NALF1: variants seen among roughly 807,000 people sequenced by gnomAD.
NALF1 encodes NALCN channel auxiliary factor 1.
Under a neutral mutation model 48.4 loss-of-function variants are expected in NALF1, and 3 were observed. That is an observed-to-expected ratio of 0.06 (90% CI 0.03 to 0.16). NALF1 has a LOEUF of 0.16. NALF1 is among the 10% of genes least tolerant of loss of function. The pLI is 1.00. For missense variants in NALF1, 526 were observed against 571.5 expected (o/e 0.92, Z 0.81); for synonymous variants, 262 against 245.7 (o/e 1.07, Z -0.62).
intron 1 of NALF1, among the ~76,000 whole-genome samples, chr13:107,401,266 G>C (rs1408645680): frequency 6.6e-6 from 1 of 152,056 alleles, no homozygotes; most frequent in Non-Finnish European, 1.5e-5. Context: ...CTGTCTCAGC[G>C]ATCTGATTGA....
chr13:107,327,928 CT>C lies in NALF1; in HGVS notation c.916-117174del, dbSNP rs140017313. On this transcript the variant is annotated intron_variant, in intron 1 of 2. Transcript: ENST00000375915. ...CAGCTTAAAAGTGCTTTACTTTTTCCTTTTTTTTTTAAGACAGGATATCACT... is the reference window on the plus strand; with the variant it reads ...CAGCTTAAAAGTGCTTTACTTTTTCCTTTTTTTTTAAGACAGGATATCACT... Among the ~76,000 whole-genome samples, 156 of 148,708 alleles carry C rather than the reference CT, an allele frequency of 1.0e-3. 1 individual carries two copies. The highest frequency in any genetic ancestry group is 3.4e-3 in the African/African-American group (137 of 40,612).
intron 1 of NALF1, among the ~76,000 whole-genome samples, chr13:107,584,314 T>C (rs1437751859): frequency 2.0e-5 from 3 of 152,222 alleles, no homozygotes; most frequent in Admixed American, 6.5e-5. Context: ...GAAAGTTGGA[T>C]AGTCTAAAGC....
intron 1 of NALF1, among the ~76,000 whole-genome samples, chr13:107,650,350 T>C (rs545828448): frequency 9.8e-4 from 137 of 139,712 alleles, no homozygotes; most frequent in Non-Finnish European, 1.8e-3. Context: ...AAATCAGATG[T>C]TCTTGGCCAA....
chr13:107,799,608 TG>T (rs1157819615), intron 1 of NALF1, among the ~76,000 whole-genome samples: 2 of 152,232 alleles, frequency 1.3e-5, no homozygotes, highest in African/African-American at 2.4e-5. Flanking sequence ...AGGCTTGTTT[TG>T]CTTATAATAA....
Position 107,764,183 on chromosome 13 carries a change from T to G in NALF1, c.915+101499A>C, listed in dbSNP as rs376656224. ...CAACATATTTAGATATTGCAACATATTTAGGCCAAAGTTTATTACTTATTT... is the reference window on the plus strand; with the variant it reads ...CAACATATTTAGATATTGCAACATAGTTAGGCCAAAGTTTATTACTTATTT... On this transcript the variant is annotated intron_variant, in intron 1 of 2. Transcript: ENST00000375915. Among the ~76,000 whole-genome samples the G allele has an allele frequency of 7.9e-5, 12 of 152,246 alleles. No individual in the cohort carries two copies. The East Asian group carries it at 2.3e-3, about 29-fold the overall frequency.
chr13:107,606,339 T>C (rs1408407258), intron 1 of NALF1, among the ~76,000 whole-genome samples: 12 of 151,262 alleles, frequency 7.9e-5, no homozygotes, highest in Non-Finnish European at 1.3e-4. Context: ...TATATGTATA[T>C]ACACACATAT....
intron 1 of NALF1, among the ~76,000 whole-genome samples, chr13:107,784,952 T>C (rs558136509): frequency 6.6e-6 from 1 of 152,164 alleles, no homozygotes; most frequent in Non-Finnish European, 1.5e-5. Flanking sequence ...CTTGCACACG[T>C]ATGTTTATAG....
chr13:107,367,529 GAATT>G (rs1751440165), intron 1 of NALF1, among the ~76,000 whole-genome samples: 1 of 152,160 alleles, frequency 6.6e-6, no homozygotes, highest in South Asian at 2.1e-4. Flanking sequence ...ACTTGGAGAG[GAATT>G]AATTACAGAA....
chr13:107,521,178 A>G (rs921629294), intron 1 of NALF1, among the ~76,000 whole-genome samples: 2 of 152,150 alleles, frequency 1.3e-5, no homozygotes, highest in Non-Finnish European at 2.9e-5. Flanking sequence ...ATATAAAGAA[A>G]TGCATCCATG....
chr13:107,202,360 T>C (rs915565328), intron 2 of NALF1, among the ~76,000 whole-genome samples: 2 of 149,328 alleles, frequency 1.3e-5, no homozygotes, highest in African/African-American at 2.4e-5. Flanking sequence ...TATAAATATA[T>C]GTTGATATGG....
chr13:107,372,395 G>A (rs540581402), intron 1 of NALF1, among the ~76,000 whole-genome samples: 5 of 152,286 alleles, frequency 3.3e-5, no homozygotes, highest in African/African-American at 1.2e-4. Context: ...GAATATTGCA[G>A]GCACAGAGAA....
At chr13:107,186,291 C>T (rs1879170078) in intron 2 of NALF1, among the ~76,000 whole-genome samples, 1 of 152,178 alleles carries the variant, frequency 6.6e-6, no homozygotes, top group South Asian at 2.1e-4. Context: ...GTGATCTGGA[C>T]TTTTTCTATC....
At chr13:107,558,568 A>G (rs1234260163) in intron 1 of NALF1, among the ~76,000 whole-genome samples, 2 of 152,038 alleles carry the variant, frequency 1.3e-5, no homozygotes, top group Non-Finnish European at 1.5e-5. Context: ...CCTTACTCTC[A>G]CCTTTGGTTT....
intron 1 of NALF1, among the ~76,000 whole-genome samples, chr13:107,801,447 ACAGT>A (rs1878319512): frequency 6.6e-6 from 1 of 152,212 alleles, no homozygotes; most frequent in Non-Finnish European, 1.5e-5. Context: ...TAATTGTAAC[ACAGT>A]CAGAGGCAAT....
chr13:107,533,926 G>A (rs552030796), intron 1 of NALF1, among the ~76,000 whole-genome samples: 2 of 152,222 alleles, frequency 1.3e-5, no homozygotes, highest in Admixed American at 1.3e-4. Flanking sequence ...GGGAAATGGG[G>A]AGGGGGAGAG....
intron 1 of NALF1, among the ~76,000 whole-genome samples, chr13:107,717,540 G>C (rs1431196930): frequency 1.3e-5 from 2 of 151,734 alleles, no homozygotes; most frequent in East Asian, 3.9e-4. Context: ...TGTTCATTAA[G>C]GTATCTCGGA....
chr13:107,327,938 T>A (rs1566486403), intron 1 of NALF1, among the ~76,000 whole-genome samples: 1 of 151,812 alleles, frequency 6.6e-6, no homozygotes, highest in South Asian at 2.1e-4. Flanking sequence ...CTTTTTTTTT[T>A]AAGACAGGAT....
intron 1 of NALF1, among the ~76,000 whole-genome samples, chr13:107,845,581 C>T (rs1259756538): frequency 6.6e-6 from 1 of 152,166 alleles, no homozygotes; most frequent in African/African-American, 2.4e-5. Flanking sequence ...AGCATTCTAT[C>T]TTTCTCCACT....
Position 107,279,334 on chromosome 13 carries a change from C to A in NALF1, c.916-68579G>T, listed in dbSNP as rs138597826. ...GCAACAGTGCCATATCAGCTCACTG[C>A]AACCTCTGCCACCCGGGTTCAAGCA... On this transcript the variant is annotated intron_variant, in intron 1 of 2. Coordinates refer to ENST00000375915, the MANE Select transcript of NALF1 (RefSeq NM_001080396.3). 2.0e-3 allele frequency among the ~76,000 whole-genome samples: 310 copies of A among 152,226 alleles called. 1 individual carries two copies. The highest frequency in any genetic ancestry group is 9.5e-3 in the South Asian group (46 of 4,820).
Sources: gnomAD v4.1 joint callset for allele counts (sites outside exome capture counted in the v4.1 genomes callset) on GRCh38, gnomAD v4.1.1 for gene constraint, MANE v1.5 for transcripts, NCBI Gene and HGNC (gene_info 2026-07-23, HGNC 2026-07-21) for gene names.